Variants in PDZRN4 observed in about 807,000 individuals in gnomAD.
PDZRN4 encodes the protein PDZ domain-containing RING finger protein 4.
PDZRN4 carries 70 observed loss-of-function variants against 99.0 expected under a neutral mutation model. The ratio of observed to expected loss-of-function variants is 0.71; its 90% CI spans 0.58 to 0.86. The LOEUF (loss-of-function observed/expected upper bound fraction) is 0.86, where lower values mean the gene tolerates loss of function less well. Ranked by LOEUF, PDZRN4 falls within the 40% of genes least tolerant of loss-of-function variation. PDZRN4 has a pLI of 0.00. For missense variants in PDZRN4, 1,474 were observed against 1,331.2 expected, an observed-to-expected ratio of 1.11 and a Z score of -1.67; for synonymous variants, 551 against 501.6, an observed-to-expected ratio of 1.10 and a Z score of -1.32.
At chr12:41,556,179 T>G (rs1284727646) in intron 7 of PDZRN4, among the ~76,000 whole-genome samples, 1 of 152,256 alleles carries the variant, frequency 6.6e-6, no homozygotes, top group African/African-American at 2.4e-5. Flanking sequence ...TGGCTATTAT[T>G]ACTAGCAGCA....
chr12:41,543,980 G>T (rs10880096), intron 5 of PDZRN4, among the ~76,000 whole-genome samples: 21,215 of 152,070 alleles, frequency 0.14, 1,944 homozygotes, highest in Non-Finnish European at 0.2. Flanking sequence ...ATAAATTTTA[G>T]GGTCATATTT....
intron 3 of PDZRN4, among the ~76,000 whole-genome samples, chr12:41,231,891 T>C (rs1951031435): frequency 6.6e-6 from 1 of 152,080 alleles, no homozygotes; most frequent in African/African-American, 2.4e-5. Flanking sequence ...AGGATCATTA[T>C]ACAGTAGCAT....
chr12:41,445,046 A>G (rs1283281188), intron 3 of PDZRN4, among the ~76,000 whole-genome samples: 3 of 151,990 alleles, frequency 2.0e-5, no homozygotes, highest in Non-Finnish European at 4.4e-5. Flanking sequence ...AAAATATATA[A>G]CTTCTTTATA....
In PDZRN4 at chr12:41,443,942, GA is replaced by G. The variant is rs534674003; in HGVS notation, c.844-62512del. The stretch of plus-strand genomic sequence containing the variant: ...CCCAGGCAGATGTGATAAGTAAGGA[GA>G]ACCAAAAAGTGAGGAGAGGTATAAG... On this transcript the variant is annotated intron_variant, in intron 3 of 9. Coordinates refer to ENST00000402685, the MANE Select transcript of PDZRN4 (RefSeq NM_001164595.2). 2.6e-4 allele frequency among the ~76,000 whole-genome samples: 39 copies of G among 152,010 alleles called. No individual in the cohort carries two copies. In the East Asian group the frequency reaches 5.2e-3, roughly 20 times the overall value.
chr12:41,243,677 T>A (rs1951114883), intron 3 of PDZRN4, among the ~76,000 whole-genome samples: 1 of 152,210 alleles, frequency 6.6e-6, no homozygotes, highest in Non-Finnish European at 1.5e-5. Context: ...ATACTTTAAT[T>A]TGAGGTAATG....
intron 3 of PDZRN4, among the ~76,000 whole-genome samples, chr12:41,363,395 A>T (rs1478870041): frequency 6.6e-6 from 1 of 152,158 alleles, no homozygotes; most frequent in Non-Finnish European, 1.5e-5. Flanking sequence ...AAATAAGCAA[A>T]CAGACAAAAT....
At chr12:41,191,744 T>TTTTA (rs146409787) in intron 2 of PDZRN4, among the ~76,000 whole-genome samples, 200 bp downstream of exon 2, 10,162 of 121,124 alleles carry the variant, frequency 0.084, 421 homozygotes, top group East Asian at 0.13. Flanking sequence ...CATACCCAGA[T>TTTTA]TTTATTTATT....
At chr12:41,244,931 C>G (rs1273919754) in intron 3 of PDZRN4, among the ~76,000 whole-genome samples, 1 of 149,572 alleles carries the variant, frequency 6.7e-6, no homozygotes, top group African/African-American at 2.5e-5. Flanking sequence ...ACCTCATGAT[C>G]CACCCGCCTC....
At chr12:41,373,726 GAAGATGACGGGATT>G (rs1565565344) in intron 3 of PDZRN4, among the ~76,000 whole-genome samples, 1 of 152,136 alleles carries the variant, frequency 6.6e-6, no homozygotes, top group Non-Finnish European at 1.5e-5. Flanking sequence ...CTCAGCTTAT[GAAGATGACGGGATT>G]AAGAGACTAA....
intron 3 of PDZRN4, among the ~76,000 whole-genome samples, chr12:41,471,248 T>C (rs1952987200): frequency 6.6e-6 from 1 of 152,222 alleles, no homozygotes; most frequent in African/African-American, 2.4e-5. Flanking sequence ...ACCAACATCA[T>C]GTTCTTTTTC....
intron 3 of PDZRN4, among the ~76,000 whole-genome samples, chr12:41,276,137 C>A (rs11180586): frequency 0.081 from 12,351 of 152,130 alleles, 642 homozygotes; most frequent in African/African-American, 0.14. Flanking sequence ...AATATTGGTC[C>A]TTGGAGGGCA....
intron 5 of PDZRN4, among the ~76,000 whole-genome samples, chr12:41,513,039 C>G (rs528755552): frequency 1.3e-5 from 2 of 152,154 alleles, no homozygotes; most frequent in Non-Finnish European, 2.9e-5. Context: ...GACCTACTTA[C>G]TATTAACTCA....
At chr12:41,476,585 C>CA (rs1953044946) in intron 3 of PDZRN4, among the ~76,000 whole-genome samples, 4 of 152,134 alleles carry the variant, frequency 2.6e-5, no homozygotes, top group Admixed American at 2.0e-4. Flanking sequence ...TGCTCCTACC[C>CA]GAGGAACACC....
chr12:41,539,331 A>T (rs1430013219), intron 5 of PDZRN4, among the ~76,000 whole-genome samples: 1 of 152,052 alleles, frequency 6.6e-6, no homozygotes, highest in Non-Finnish European at 1.5e-5. Context: ...ATATTTTATG[A>T]TCTTTTGTTA....
intron 3 of PDZRN4, among the ~76,000 whole-genome samples, chr12:41,199,849 T>C (rs768027326): frequency 1.3e-5 from 2 of 151,940 alleles, no homozygotes; most frequent in African/African-American, 2.4e-5. Context: ...ATAACAGATG[T>C]TGAAGATGTG....
intron 3 of PDZRN4, among the ~76,000 whole-genome samples, chr12:41,245,850 C>T (rs556124379): frequency 1.3e-5 from 2 of 152,308 alleles, no homozygotes; most frequent in East Asian, 1.9e-4. Context: ...CCTTATGTCA[C>T]ATCTGCCCTG....
chr12:41,427,620 T>C (rs576220315), intron 3 of PDZRN4, among the ~76,000 whole-genome samples: 1 of 152,238 alleles, frequency 6.6e-6, no homozygotes, highest in Admixed American at 6.5e-5. Context: ...AAACATTCTA[T>C]ATTATCAGTT....
At chr12:41,513,189 C>T (rs900737930) in intron 5 of PDZRN4, among the ~76,000 whole-genome samples, 1 of 152,042 alleles carries the variant, frequency 6.6e-6, no homozygotes, top group Admixed American at 6.6e-5. Context: ...TATTATTTCA[C>T]TGATGGACTG....
chr12:41,278,877 C>G (rs1951366257), intron 3 of PDZRN4, among the ~76,000 whole-genome samples: 1 of 152,150 alleles, frequency 6.6e-6, no homozygotes, highest in South Asian at 2.1e-4. Context: ...TTAGCAAGCC[C>G]TGCATAGTGA....
Sources: allele counts gnomAD v4.1 joint callset (sites outside exome capture counted in the v4.1 genomes callset), GRCh38; gene constraint gnomAD v4.1.1; transcripts MANE v1.5; gene names NCBI Gene and HGNC (gene_info 2026-07-23, HGNC 2026-07-21).